The following GSK3B variants were observed in gnomAD, a reference collection of about 807,000 sequenced individuals.
GSK3B encodes the protein glycogen synthase kinase-3 beta.
In GSK3B, 15 loss-of-function variants were observed where a neutral mutation model predicts 56.4. The ratio of observed to expected loss-of-function variants is 0.27; its 90% CI spans 0.18 to 0.41. The LOEUF is 0.41. GSK3B is among the 10% of genes least tolerant of loss of function. The pLI, the probability that GSK3B is intolerant of heterozygous loss-of-function variation, is 1.00. For synonymous variants in GSK3B, 181 were observed against 188.9 expected (o/e 0.96, Z 0.34); for missense variants, 300 against 513.4 (o/e 0.58, Z 4.02).
At chr3:119,998,329 C>T (rs2057644120) in intron 2 of GSK3B, among the ~76,000 whole-genome samples, 1 of 152,160 alleles carries the variant, frequency 6.6e-6, no homozygotes, top group Non-Finnish European at 1.5e-5. Context: ...CCTCAGAAAG[C>T]CCAGTGAACA....
intron 9 of GSK3B, among the ~76,000 whole-genome samples, chr3:119,854,989 C>T (rs1183758846): frequency 6.6e-6 from 1 of 152,162 alleles, no homozygotes; most frequent in East Asian, 1.9e-4. Flanking sequence ...TCTTGCTTCT[C>T]TAGTTCTTTT....
intron 10 of GSK3B, among the ~76,000 whole-genome samples, chr3:119,838,420 A>C (rs2055725381): frequency 6.6e-6 from 1 of 152,204 alleles, no homozygotes; most frequent in Non-Finnish European, 1.5e-5. Context: ...ACAACTTATA[A>C]AGAATGTTTT....
intron 3 of GSK3B, among the ~76,000 whole-genome samples, chr3:119,931,604 G>C (rs898670886): frequency 6.6e-6 from 1 of 151,824 alleles, no homozygotes; most frequent in Non-Finnish European, 1.5e-5. Flanking sequence ...GACAGAGCAA[G>C]ACTGTCTCAA....
chr3:120,035,046 TC>T (rs1170705573), intron 1 of GSK3B, among the ~76,000 whole-genome samples: 25 of 152,056 alleles, frequency 1.6e-4, no homozygotes, highest in African/African-American at 6.0e-4. Flanking sequence ...TGAGCTGAGA[TC>T]GTGCCACTGC....
intron 3 of GSK3B, among the ~76,000 whole-genome samples, chr3:119,940,095 AGTGTGTGTGTGTGTTTGTGTGTGT>A (rs1393770035): frequency 6.7e-5 from 9 of 133,940 alleles, no homozygotes; most frequent in African/African-American, 2.4e-4. Context: ...CAGTAACAAA[AGTGTGTGTGTGTGTTTGTGTGTGT>A]GTGTGTGTGT....
rs112221691 is a variant in GSK3B at position 120,023,209 on chromosome 3, T to A, written c.89-20970A>T. ...CAGAAGCATTGAACACATACTCATT[T>A]AAAAAAAAAAAAAATCAGTGGAAAC... On this transcript the variant is annotated intron_variant, in intron 1 of 10. Coordinates refer to ENST00000264235, the MANE Select transcript of GSK3B (RefSeq NM_001146156.2). Among the ~76,000 whole-genome samples, 1,078 of 142,886 alleles carry A rather than the reference T, an allele frequency of 7.5e-3. 14 individuals carry two copies. The highest frequency in any genetic ancestry group is 0.025 in the African/African-American group (988 of 39,072). 93.7% of individuals were successfully genotyped at this position (142,886 alleles called of 152,430 possible).
At chr3:119,838,139 A>G (rs1384276611) in intron 10 of GSK3B, among the ~76,000 whole-genome samples, 1 of 151,762 alleles carries the variant, frequency 6.6e-6, no homozygotes, top group African/African-American at 2.4e-5. Context: ...ATTGCAAAAA[A>G]TTAGCAGGGT....
chr3:119,935,967 C>A (rs1190056035), intron 3 of GSK3B, among the ~76,000 whole-genome samples: 1 of 152,016 alleles, frequency 6.6e-6, no homozygotes, highest in African/African-American at 2.4e-5. Flanking sequence ...ATATAAAACA[C>A]CATTTTAATA....
intron 8 of GSK3B, among the ~76,000 whole-genome samples, chr3:119,864,103 C>G (rs997492421): frequency 2.6e-5 from 4 of 152,088 alleles, no homozygotes; most frequent in African/African-American, 9.7e-5. Context: ...GGTATTATTT[C>G]CAATAAACAG....
intron 2 of GSK3B, among the ~76,000 whole-genome samples, chr3:119,974,604 C>T (rs1376646451): frequency 6.6e-6 from 1 of 152,208 alleles, no homozygotes; most frequent in Non-Finnish European, 1.5e-5. Flanking sequence ...AAATAAATTT[C>T]TGTTACTTAT....
At position 119,828,231 on chromosome 3, in the gene GSK3B, T is replaced by TC. The variant is rs763106783; in HGVS notation, c.1196-1377dup. 1.4e-4 allele frequency among the ~76,000 whole-genome samples: 21 copies of TC among 152,234 alleles called. No homozygotes were observed. In the South Asian group the frequency reaches 1.5e-3, roughly 11 times the overall value. On this transcript the variant is annotated intron_variant, in intron 10 of 10. Transcript: ENST00000264235. ...AACTCTACAACTAACCATTATCTCC[T>TC]CCCCCCTTTTAAGGTCTATTATTAT...
chr3:120,073,717 G>C (rs77726485), intron 1 of GSK3B, among the ~76,000 whole-genome samples: 3,946 of 152,280 alleles, frequency 0.026, 175 homozygotes, highest in African/African-American at 0.089. Flanking sequence ...GCAATTAAGA[G>C]AACAGGTTCG....
intron 8 of GSK3B, among the ~76,000 whole-genome samples, chr3:119,866,206 C>T (rs2056180832): frequency 6.6e-6 from 1 of 151,964 alleles, no homozygotes; most frequent in African/African-American, 2.4e-5. Context: ...AAAAGGAAAC[C>T]ACCAAGAACT....
intron 2 of GSK3B, among the ~76,000 whole-genome samples, chr3:119,970,119 T>G (rs903067687): frequency 4.6e-5 from 7 of 152,258 alleles, no homozygotes; most frequent in Non-Finnish European, 1.0e-4. Context: ...AATCTCTTAC[T>G]GTGTTGATTT....
At chr3:119,873,789 C>T (rs761255640) in intron 8 of GSK3B, among the ~76,000 whole-genome samples, 24 of 152,260 alleles carry the variant, frequency 1.6e-4, no homozygotes, top group Non-Finnish European at 2.9e-4. Context: ...GTAACACCCA[C>T]TCTAGTATGC....
chr3:120,026,735 T>A (rs2057931066), intron 1 of GSK3B, among the ~76,000 whole-genome samples: 2 of 151,696 alleles, frequency 1.3e-5, no homozygotes, highest in Non-Finnish European at 2.9e-5. Context: ...TTTTTGTATT[T>A]TTAGTAGAGA....
intron 2 of GSK3B, among the ~76,000 whole-genome samples, chr3:119,952,134 G>A (rs2057162786): frequency 1.3e-5 from 2 of 152,082 alleles, no homozygotes; most frequent in East Asian, 3.8e-4. Flanking sequence ...AATGTTAGAA[G>A]AAATAATGGC....
chr3:120,058,757 C>T (rs1033344566), intron 1 of GSK3B, among the ~76,000 whole-genome samples: 6 of 152,038 alleles, frequency 3.9e-5, no homozygotes, highest in African/African-American at 1.4e-4. Context: ...TGCCTGTAAT[C>T]CCAGCACTTT....
chr3:119,943,072 C>T (rs1387841638), intron 3 of GSK3B, among the ~76,000 whole-genome samples: 1 of 152,208 alleles, frequency 6.6e-6, no homozygotes, highest in African/African-American at 2.4e-5. Flanking sequence ...GTTACATTGG[C>T]TACCCCTTTC....
Sources: allele counts gnomAD v4.1 joint callset (sites outside exome capture counted in the v4.1 genomes callset), GRCh38; gene constraint gnomAD v4.1.1; transcripts MANE v1.5; gene names NCBI Gene and HGNC (gene_info 2026-07-23, HGNC 2026-07-21).